Variants in RAB11FIP4 observed in about 807,000 individuals in gnomAD.
RAB11FIP4 encodes the protein rab11 family-interacting protein 4.
Under a neutral mutation model 74.3 loss-of-function variants are expected in RAB11FIP4, and 23 were observed. That is an observed-to-expected ratio of 0.31 (90% confidence interval 0.22 to 0.44). RAB11FIP4 has a LOEUF of 0.44. Among genes scored for constraint, RAB11FIP4 ranks in the 20% least tolerant of loss-of-function variants. The pLI, the probability that RAB11FIP4 is intolerant of heterozygous loss-of-function variation, is 1.00. For synonymous variants in RAB11FIP4, 360 were observed against 359.9 expected, an observed-to-expected ratio of 1.00 and a Z score of 0.00; for missense variants, 630 against 863.9, an observed-to-expected ratio of 0.73 and a Z score of 3.39.
At chr17:31,429,552 CG>C (rs752197242) in intron 1 of RAB11FIP4, among the ~76,000 whole-genome samples, 1 of 152,196 alleles carries the variant, frequency 6.6e-6, no homozygotes, top group Non-Finnish European at 1.5e-5. Flanking sequence ...CCTGGCTGGG[CG>C]TGGTGGATCA....
chr17:31,423,587 T>G (rs536350341), intron 1 of RAB11FIP4, among the ~76,000 whole-genome samples: 6 of 152,316 alleles, frequency 3.9e-5, no homozygotes, highest in Non-Finnish European at 8.8e-5. Flanking sequence ...CAACCTGCCC[T>G]CTGTGAATTA....
At chr17:31,431,257 C>T (rs1010231550) in intron 1 of RAB11FIP4, among the ~76,000 whole-genome samples, 1 of 152,190 alleles carries the variant, frequency 6.6e-6, no homozygotes, top group African/African-American at 2.4e-5. Context: ...GGGAGAGAAA[C>T]TCTCCAACCT....
In RAB11FIP4 at chr17:31,525,074, A is replaced by C; in HGVS notation, c.1134-16A>C. The C allele has an allele frequency of 6.5e-7, 1 of 1,549,914 alleles. No homozygotes were observed. Among genetic ancestry groups the C allele is most frequent in the Non-Finnish European group, 8.7e-7 (1 of 1,146,962 alleles). ...TGGTGCAGGCCCCAAGAGCTTGCCCATTGCGCTGTCCTCAGGGTGCATGAG... is the reference window on the plus strand; with the variant it reads ...TGGTGCAGGCCCCAAGAGCTTGCCCCTTGCGCTGTCCTCAGGGTGCATGAG... On this transcript the variant is annotated splice_polypyrimidine_tract_variant and intron_variant, in intron 9 of 14. Coordinates refer to ENST00000621161, the MANE Select transcript of RAB11FIP4 (RefSeq NM_032932.6).
chr17:31,471,515 G>A (rs2071736483), intron 3 of RAB11FIP4, among the ~76,000 whole-genome samples: 1 of 152,188 alleles, frequency 6.6e-6, no homozygotes, highest in South Asian at 2.1e-4. Context: ...CCTCGTGAGA[G>A]AGATACTATT....
chr17:31,399,299 C>G (rs1203024149), intron 1 of RAB11FIP4, among the ~76,000 whole-genome samples: 2 of 152,194 alleles, frequency 1.3e-5, no homozygotes, highest in Admixed American at 6.5e-5. Context: ...TATGGCTTGC[C>G]CAAGTCACTG....
At chr17:31,495,075 A>G (rs2072088226) in intron 3 of RAB11FIP4, among the ~76,000 whole-genome samples, 1 of 152,244 alleles carries the variant, frequency 6.6e-6, no homozygotes, top group African/African-American at 2.4e-5. Flanking sequence ...GCCTAGCTGG[A>G]AAAGCTGGCT....
intron 1 of RAB11FIP4, among the ~76,000 whole-genome samples, chr17:31,425,360 C>A (rs192694315): frequency 6.6e-6 from 1 of 152,102 alleles, no homozygotes; most frequent in South Asian, 2.1e-4. Flanking sequence ...CAAGATAAGC[C>A]GGCTTATCTC....
At chr17:31,406,869 C>T (rs899101486) in intron 1 of RAB11FIP4, among the ~76,000 whole-genome samples, 5 of 151,832 alleles carry the variant, frequency 3.3e-5, no homozygotes, top group Admixed American at 6.6e-5. Flanking sequence ...AATATGTTTT[C>T]TTTCAATTAT....
chr17:31,521,905 C>T lies in RAB11FIP4; in HGVS notation c.759-10C>T. The T allele has an allele frequency of 6.2e-7, 1 of 1,614,072 alleles. No homozygotes were observed. The highest frequency in any genetic ancestry group is 8.5e-7 in the Non-Finnish European group (1 of 1,179,952). On this transcript the variant is annotated splice_polypyrimidine_tract_variant and intron_variant, in intron 5 of 14. Transcript: ENST00000621161. ...AGTTAAGGTGGTGATTCCTTTCCCT[C>T]ATGAATCAGTGCGGGGCAGACGCCT...
At chr17:31,530,799 GTC>G (rs2072857907) in intron 14 of RAB11FIP4, among the ~76,000 whole-genome samples, 1 of 152,198 alleles carries the variant, frequency 6.6e-6, no homozygotes, top group Non-Finnish European at 1.5e-5. Flanking sequence ...GCTCTTCCCA[GTC>G]CAGAGAGGGA....
intron 1 of RAB11FIP4, among the ~76,000 whole-genome samples, chr17:31,399,199 C>A (rs2070961066): frequency 6.6e-6 from 1 of 152,140 alleles, no homozygotes; most frequent in Admixed American, 6.5e-5. Flanking sequence ...AGAAGGGGAA[C>A]CTGACAGCTG....
intron 3 of RAB11FIP4, among the ~76,000 whole-genome samples, chr17:31,458,564 C>T (rs2071602755): frequency 6.6e-6 from 1 of 152,146 alleles, no homozygotes; most frequent in African/African-American, 2.4e-5. Context: ...GGAGGTGCCT[C>T]TCAGAATGGG....
intron 1 of RAB11FIP4, among the ~76,000 whole-genome samples, chr17:31,415,807 C>T (rs1391742035): frequency 2.6e-5 from 4 of 152,094 alleles, no homozygotes; most frequent in Non-Finnish European, 5.9e-5. Context: ...CACCTCAGCC[C>T]CCCTGCGGAC....
intron 3 of RAB11FIP4, chr17:31,488,034 C>T (rs2071930976): frequency 9.9e-7 from 1 of 1,014,180 alleles, no homozygotes; most frequent in Non-Finnish European, 1.2e-6. Context: ...GTGATGTCAC[C>T]GCAGCTTGAT....
In RAB11FIP4 at chr17:31,531,610, C is replaced by T; in HGVS notation, c.1798-6C>T. Reference sequence around the variant, plus strand: ...GCCACTGACCCGTCTTTCCCATTTCCTTCAGCTAATGGAAGCCCTGAAGGA... The same window carrying T: ...GCCACTGACCCGTCTTTCCCATTTCTTTCAGCTAATGGAAGCCCTGAAGGA... On this transcript the variant is annotated splice_region_variant and splice_polypyrimidine_tract_variant and intron_variant, in intron 14 of 14. Coordinates refer to ENST00000621161, the MANE Select transcript of RAB11FIP4 (RefSeq NM_032932.6). The T allele has an allele frequency of 6.2e-7, 1 of 1,605,066 alleles. No individual in the cohort carries two copies. Among genetic ancestry groups the T allele is most frequent in the Non-Finnish European group, 8.5e-7 (1 of 1,171,694 alleles).
At chr17:31,474,305 A>G (rs1219190469) in intron 3 of RAB11FIP4, among the ~76,000 whole-genome samples, 3 of 152,154 alleles carry the variant, frequency 2.0e-5, no homozygotes, top group African/African-American at 7.2e-5. Context: ...AGGGAAGAGG[A>G]TTGAAGCACA....
chr17:31,419,738 G>T (rs923120774), intron 1 of RAB11FIP4, among the ~76,000 whole-genome samples: 1 of 151,984 alleles, frequency 6.6e-6, no homozygotes, highest in South Asian at 2.1e-4. Context: ...TTTTAGTAGA[G>T]ACGGGGTTTC....
At chr17:31,446,993 C>CA (rs968308277) in intron 3 of RAB11FIP4, among the ~76,000 whole-genome samples, 5 of 152,074 alleles carry the variant, frequency 3.3e-5, no homozygotes, top group African/African-American at 1.2e-4. Flanking sequence ...TCTATTAATA[C>CA]AAAAAAGACA....
intron 3 of RAB11FIP4, among the ~76,000 whole-genome samples, chr17:31,488,736 C>A (rs1159377000): frequency 2.6e-5 from 4 of 152,204 alleles, no homozygotes; most frequent in Admixed American, 2.6e-4. Flanking sequence ...GTCCTCGGGG[C>A]CAGCCCAGGT....
Sources: allele counts gnomAD v4.1 joint callset (sites outside exome capture counted in the v4.1 genomes callset), GRCh38; gene constraint gnomAD v4.1.1; transcripts MANE v1.5; gene names NCBI Gene and HGNC (gene_info 2026-07-23, HGNC 2026-07-21).